The following EPSTI1 variants were observed in gnomAD, a reference collection of about 807,000 sequenced individuals.
EPSTI1 encodes the protein epithelial stromal interaction 1, also known as epithelial-stromal interaction protein 1.
Under a neutral mutation model 49.9 loss-of-function variants are expected in EPSTI1, and 66 were observed. The observed-to-expected ratio is 1.32, with a 90% confidence interval of 1.08 to 1.62. The LOEUF (loss-of-function observed/expected upper bound fraction) is 1.62. EPSTI1 is among the 40% of genes most tolerant of loss of function. The probability of loss-of-function intolerance (pLI) is 0.00; values close to 1 mark genes in which losing one functional copy is unlikely to be tolerated. For synonymous variants in EPSTI1, 137 were observed against 130.7 expected, an observed-to-expected ratio of 1.05 and a Z score of -0.33; for missense variants, 394 against 365.5, an observed-to-expected ratio of 1.08 and a Z score of -0.64.
intron 10 of EPSTI1, among the ~76,000 whole-genome samples, chr13:42,890,305 T>TTTTTC (rs2036996486): frequency 6.7e-6 from 1 of 148,416 alleles, no homozygotes; most frequent in Admixed American, 6.7e-5. Flanking sequence ...TCTTTTTTTT[T>TTTTTC]TTTTTTTTTT....
At chr13:42,936,986 C>G (rs1015676520) in intron 6 of EPSTI1, among the ~76,000 whole-genome samples, 1 of 152,128 alleles carries the variant, frequency 6.6e-6, no homozygotes, top group African/African-American at 2.4e-5. Context: ...ATCAATATGT[C>G]CTATTGAACT....
rs75058656 is a variant in EPSTI1, at chr13:42,886,483, C to A, written c.*2011G>T. 1 of 151,666 alleles carries A rather than the reference C, an allele frequency of 6.6e-6. No individual in the cohort carries two copies. The highest frequency in any genetic ancestry group is 2.1e-4 in the South Asian group (1 of 4,814). The allele number at this position is 151,666 out of a possible 1,614,324, so 9.4% of individuals were successfully genotyped here. On this transcript the variant is annotated 3_prime_UTR_variant, in exon 11 of 11. Transcript: ENST00000313624. ...CTATAACAAACATCTTACATTGGAA[C>A]GATTTTCTTGTTTTTATTTTCTACA...
At chr13:42,941,793 A>C (rs1474149398) in intron 6 of EPSTI1, among the ~76,000 whole-genome samples, 1 of 151,278 alleles carries the variant, frequency 6.6e-6, no homozygotes, top group Non-Finnish European at 1.5e-5. Flanking sequence ...ATTTTGTAGT[A>C]GATTTTAGTC....
intron 5 of EPSTI1, among the ~76,000 whole-genome samples, chr13:42,958,274 G>A (rs2039335469): frequency 6.6e-6 from 1 of 152,118 alleles, no homozygotes; most frequent in Admixed American, 6.6e-5. Flanking sequence ...TTTGGTTCAG[G>A]TGATTGTCCA....
intron 10 of EPSTI1, among the ~76,000 whole-genome samples, chr13:42,888,895 A>G (rs1176261354): frequency 6.6e-6 from 1 of 152,218 alleles, no homozygotes; most frequent in Non-Finnish European, 1.5e-5. Flanking sequence ...TGTATTATAC[A>G]GCAGAAAGGT....
intron 8 of EPSTI1, among the ~76,000 whole-genome samples, chr13:42,902,908 C>T (rs182095086): frequency 5.3e-5 from 8 of 152,266 alleles, no homozygotes; most frequent in Non-Finnish European, 1.2e-4. Context: ...TAAGGATATC[C>T]TCACGGTGGC....
At chr13:42,961,307 C>T (rs1358281239) in intron 5 of EPSTI1, among the ~76,000 whole-genome samples, 1 of 152,132 alleles carries the variant, frequency 6.6e-6, no homozygotes, top group African/African-American at 2.4e-5. Context: ...ATATTTTCCA[C>T]CACAGTCGGT....
At position 42,925,837 on chromosome 13, in the gene EPSTI1, T is replaced by C. The variant is rs114790682; in HGVS notation, c.657+499A>G. Among the ~76,000 whole-genome samples, 586 of 152,330 alleles carry C rather than the reference T, an allele frequency of 3.8e-3. 1 individual carries two copies. The highest frequency in any genetic ancestry group is 0.013 in the African/African-American group (548 of 41,560). On this transcript the variant is annotated intron_variant, in intron 7 of 10. Transcript: ENST00000313624. ...AGCATCTAACGCACATGGTCTGACT[T>C]AGATGCTTCTTCCTGATAAGGCAGT...
Position 42,922,817 on chromosome 13 carries a change from G to C in EPSTI1, c.657+3519C>G, listed in dbSNP as rs1312514448. Among the ~76,000 whole-genome samples the C allele has an allele frequency of 1.3e-5, 2 of 152,184 alleles. No homozygotes were observed. Among genetic ancestry groups the C allele is most frequent in the Admixed American group, 6.5e-5 (1 of 15,284 alleles). ...ACAGTAGTGTGAGAGAGGAGAGCTG[G>C]AGAGGCATGAGCTATAGAGCTTGGC... is the stretch of plus-strand genomic sequence containing the variant. On this transcript the variant is annotated intron_variant, in intron 7 of 10. Transcript: ENST00000313624. This position sits in a 1 kb window ranked among gnomAD's most constrained non-coding sequence, Gnocchi z 4.8.
chr13:42,923,448 C>A (rs2038079724), intron 7 of EPSTI1, among the ~76,000 whole-genome samples: 1 of 152,126 alleles, frequency 6.6e-6, no homozygotes, highest in Non-Finnish European at 1.5e-5. Context: ...GTGGTCCCAG[C>A]CACTTAGGAG....
rs561745530 is a variant in EPSTI1 at position 42,948,284 on chromosome 13, A to C, written c.563+5664T>G. ...CAAGGCCTGGGCCCTGCCAGTGCAC[A>C]GCCATGGCAAGGGCTCCAGGTGCCT... On this transcript the variant is annotated intron_variant, in intron 6 of 10. Transcript: ENST00000313624. Among the ~76,000 whole-genome samples the C allele has an allele frequency of 7.9e-5, 12 of 152,344 alleles. No homozygotes were observed. The South Asian group carries it at 2.5e-3, about 32-fold the overall frequency.
At chr13:42,931,561 C>T (rs931704377) in intron 6 of EPSTI1, among the ~76,000 whole-genome samples, 3 of 152,222 alleles carry the variant, frequency 2.0e-5, no homozygotes, top group African/African-American at 7.2e-5. Context: ...AACATCAGCC[C>T]TGGATCATTC....
intron 7 of EPSTI1, among the ~76,000 whole-genome samples, chr13:42,918,964 A>G (rs1489407986): frequency 6.6e-6 from 1 of 152,092 alleles, no homozygotes; most frequent in Non-Finnish European, 1.5e-5. Context: ...GGAGGGTGAG[A>G]AGAGAGGACA....
At chr13:42,960,205 T>C (rs2039406070) in intron 5 of EPSTI1, among the ~76,000 whole-genome samples, 1 of 152,160 alleles carries the variant, frequency 6.6e-6, no homozygotes, top group African/African-American at 2.4e-5. Flanking sequence ...CAGAATAAGA[T>C]GAACCCAGGA....
At position 42,951,574 on chromosome 13, in the gene EPSTI1, T is replaced by C. The variant is rs560144626; in HGVS notation, c.563+2374A>G. Among the ~76,000 whole-genome samples, 13 of 152,250 alleles carry C rather than the reference T, an allele frequency of 8.5e-5. No homozygotes were observed. In the South Asian group the frequency reaches 2.7e-3, roughly 32 times the overall value. Reference sequence around the variant, plus strand: ...AGGTGGCTGAGGGCAAACTTCTTTTTTCTTTATAGAAAAAGGGTGATTGAT... The same window carrying C: ...AGGTGGCTGAGGGCAAACTTCTTTTCTCTTTATAGAAAAAGGGTGATTGAT... On this transcript the variant is annotated intron_variant, in intron 6 of 10. Coordinates refer to ENST00000313624, the MANE Select transcript of EPSTI1 (RefSeq NM_033255.5).
chr13:42,907,655 T>C (rs769152753), intron 8 of EPSTI1, among the ~76,000 whole-genome samples: 9 of 152,226 alleles, frequency 5.9e-5, no homozygotes, highest in Non-Finnish European at 1.3e-4. Context: ...CACAAATTAT[T>C]ATTCATATTT....
Position 42,964,103 on chromosome 13 carries a change from T to C in EPSTI1, c.368A>G (p.Gln123Arg). ...SQSETEVRQK[Q>R]QLQLMQSKYK... ...TTTAGATTGCATCAGCTGGAGTTGT[T>C]GTTTCTGTCTGACTTCAGTTTCTGA... is the stretch of plus-strand genomic sequence containing the variant. The change falls in exon 4 of 11, where the codon CAA becomes CGA. Residue 123 changes from glutamine to arginine, a missense_variant. Transcript: ENST00000313624. 6.2e-7 allele frequency: 1 copy of C among 1,613,634 alleles called. No homozygotes were observed. The highest frequency in any genetic ancestry group is 8.5e-7 in the Non-Finnish European group (1 of 1,179,740).
Position 42,888,098 on chromosome 13 carries a change from C to T in EPSTI1, c.*396G>A. The T allele has an allele frequency of 1.2e-6, 1 of 820,328 alleles. No individual in the cohort carries two copies. The highest frequency in any genetic ancestry group is 1.8e-6 in the Non-Finnish European group (1 of 552,862). The allele number at this position is 820,328 out of a possible 1,614,324, so 50.8% of individuals were successfully genotyped here. A position where few individuals can be genotyped will look rare whatever the true frequency, so the allele number is the denominator to read the frequency against. On this transcript the variant is annotated 3_prime_UTR_variant, in exon 11 of 11. Transcript: ENST00000313624. ...GTAGGGATTAAAATCTAAAAAGACC[C>T]CCAAAGCTTTCAAAACCTGATCTGA...
chr13:42,975,947 C>T (rs2153434512), intron 1 of EPSTI1, among the ~76,000 whole-genome samples: 1 of 152,324 alleles, frequency 6.6e-6, no homozygotes, highest in Non-Finnish European at 1.5e-5. Context: ...TGGAGACCAA[C>T]TGGTAGGTAT....
Sources: gnomAD v4.1 joint callset for allele counts (sites outside exome capture counted in the v4.1 genomes callset) on GRCh38, gnomAD v4.1.1 for gene constraint, Gnocchi (gnomAD v3.1) non-coding constraint, MANE v1.5 for transcripts, NCBI Gene and HGNC (gene_info 2026-07-23, HGNC 2026-07-21) for gene names.